The following QTMAN variants were observed in gnomAD, a reference collection of about 807,000 sequenced individuals.
The protein encoded by QTMAN is tRNA-queuosine alpha-mannosyltransferase.
the QTMAN span, among the ~76,000 whole-genome samples, chr2:144,291,726 T>C: frequency 3.9e-4 from 60 of 152,324 alleles, no homozygotes; most frequent in Non-Finnish European, 8.2e-4. Flanking sequence ...TACCCGTACT[T>C]AATGACCCAG....
chr2:144,129,155 A>C, the QTMAN span, among the ~76,000 whole-genome samples: 1 of 151,948 alleles, frequency 6.6e-6, no homozygotes, highest in Non-Finnish European at 1.5e-5. Flanking sequence ...GAATAGACCC[A>C]TCTTTTACTC....
the QTMAN span, among the ~76,000 whole-genome samples, chr2:144,102,424 A>G: frequency 4.6e-5 from 7 of 152,194 alleles, no homozygotes; most frequent in African/African-American, 1.4e-4. Context: ...TATTTAAGTA[A>G]CTTTATGGGG....
chr2:144,327,290 T>C, the QTMAN span, among the ~76,000 whole-genome samples: 1 of 152,122 alleles, frequency 6.6e-6, no homozygotes, highest in Non-Finnish European at 1.5e-5. Context: ...ATATCCATTA[T>C]AATAAACAAG....
At chr2:144,218,695 A>C in the QTMAN span, among the ~76,000 whole-genome samples, 1 of 152,188 alleles carries the variant, frequency 6.6e-6, no homozygotes, top group Non-Finnish European at 1.5e-5. Flanking sequence ...GTTAATTTTG[A>C]AACAGAAATA....
At chr2:144,196,624 G>A in the QTMAN span, among the ~76,000 whole-genome samples, 3 of 152,050 alleles carry the variant, frequency 2.0e-5, no homozygotes, top group South Asian at 2.1e-4. Context: ...AAAAAACCTC[G>A]AAACTATATT....
At chr2:144,259,203 G>A in the QTMAN span, among the ~76,000 whole-genome samples, 1 of 152,158 alleles carries the variant, frequency 6.6e-6, no homozygotes, top group African/African-American at 2.4e-5. Context: ...GTGTCGCCCA[G>A]GCTGGAGTGC....
chr2:144,067,183 CT>C, the QTMAN span, among the ~76,000 whole-genome samples: 1 of 152,194 alleles, frequency 6.6e-6, no homozygotes, highest in Non-Finnish European at 1.5e-5. Flanking sequence ...GACATAATAT[CT>C]TGCCAAAATG....
the QTMAN span, among the ~76,000 whole-genome samples, chr2:144,044,928 T>A: frequency 6.6e-6 from 1 of 152,206 alleles, no homozygotes; most frequent in Non-Finnish European, 1.5e-5. Context: ...CAAATGTTTA[T>A]TAGGTTTCTA....
the QTMAN span, among the ~76,000 whole-genome samples, chr2:144,198,864 A>G: frequency 6.6e-5 from 10 of 152,172 alleles, no homozygotes; most frequent in Admixed American, 5.9e-4. Context: ...GAATATGTTC[A>G]TGCTAAACTA....
the QTMAN span, among the ~76,000 whole-genome samples, chr2:144,038,305 T>A: frequency 3.3e-5 from 4 of 122,138 alleles, no homozygotes; most frequent in East Asian, 1.2e-3. Context: ...TACAGACATA[T>A]ATATAACATA....
At chr2:144,088,800 C>G in the QTMAN span, among the ~76,000 whole-genome samples, 1 of 151,956 alleles carries the variant, frequency 6.6e-6, no homozygotes, top group Non-Finnish European at 1.5e-5. Context: ...GACTATCTCT[C>G]AACATACACA....
chr2:144,289,772 A>G, the QTMAN span, among the ~76,000 whole-genome samples: 1 of 152,264 alleles, frequency 6.6e-6, no homozygotes, highest in Non-Finnish European at 1.5e-5. Context: ...AGAATGAATA[A>G]GAAAACACGA....
At chr2:144,043,309 C>T in the QTMAN span, among the ~76,000 whole-genome samples, 1 of 151,364 alleles carries the variant, frequency 6.6e-6, no homozygotes, top group South Asian at 2.1e-4. Flanking sequence ...GGGAAATTTC[C>T]ACCCAAAAAT....
At chr2:144,005,028 A>G in the QTMAN span, among the ~76,000 whole-genome samples, 5 of 151,936 alleles carry the variant, frequency 3.3e-5, no homozygotes, top group African/African-American at 1.2e-4. Flanking sequence ...TATTTTTTTT[A>G]TGCTGTGCTC....
chr2:144,315,664 T>A, the QTMAN span, among the ~76,000 whole-genome samples: 1 of 152,236 alleles, frequency 6.6e-6, no homozygotes. Flanking sequence ...TCTAGGACTA[T>A]TGTACTCTTG....
the QTMAN span, among the ~76,000 whole-genome samples, chr2:144,281,173 G>T: frequency 3.4e-5 from 5 of 146,956 alleles, no homozygotes; most frequent in Non-Finnish European, 7.4e-5. Context: ...TATCAATGTT[G>T]CCTGGGAGAG....
the QTMAN span, among the ~76,000 whole-genome samples, chr2:144,268,797 A>AT: frequency 0.1 from 15,543 of 150,730 alleles, 1,026 homozygotes; most frequent in South Asian, 0.2. Flanking sequence ...CCAAATTTCC[A>AT]TTTTTTTTTG....
chr2:144,206,353 T>C, the QTMAN span, among the ~76,000 whole-genome samples: 1 of 152,174 alleles, frequency 6.6e-6, no homozygotes. Flanking sequence ...CTCAGACTTA[T>C]TTAGTGTAGC....
chr2:144,242,221 T>C, the QTMAN span, among the ~76,000 whole-genome samples: 1 of 152,182 alleles, frequency 6.6e-6, no homozygotes, highest in South Asian at 2.1e-4. Flanking sequence ...TCACAGAATA[T>C]TTTTGATGAA....
Sources: allele counts gnomAD v4.1 joint callset (sites outside exome capture counted in the v4.1 genomes callset), GRCh38; gene constraint gnomAD v4.1.1; transcripts MANE v1.5; gene names NCBI Gene and HGNC (gene_info 2026-07-23, HGNC 2026-07-21).